The following NCOR1 variants were observed in gnomAD, a reference collection of about 807,000 sequenced individuals.
NCOR1 encodes protein phosphatase 1, regulatory subunit 109.
Under a neutral mutation model 288.1 loss-of-function variants are expected in NCOR1, and 63 were observed. The ratio of observed to expected loss-of-function variants is 0.22; its 90% confidence interval spans 0.18 to 0.27. NCOR1 has a LOEUF of 0.27. NCOR1 is among the 10% of genes least tolerant of loss of function. The pLI, the probability that NCOR1 is intolerant of heterozygous loss-of-function variation, is 1.00. For synonymous variants in NCOR1, 1,007 were observed against 1,065.9 expected (o/e 0.94, Z 1.08); for missense variants, 2,397 against 3,019.2 (o/e 0.79, Z 4.83).
At chr17:16,079,529 C>T (rs565969859) in intron 26 of NCOR1, among the ~76,000 whole-genome samples, 5 of 152,238 alleles carry the variant, frequency 3.3e-5, no homozygotes, top group Admixed American at 2.6e-4. Flanking sequence ...TTGTTAATAC[C>T]ATCCACATTT....
At chr17:16,207,021 T>C (rs1318771081) in intron 1 of NCOR1, among the ~76,000 whole-genome samples, 2 of 151,892 alleles carry the variant, frequency 1.3e-5, no homozygotes, top group African/African-American at 4.8e-5. Flanking sequence ...AACTTCTTCC[T>C]CCCCCCCAAC....
intron 9 of NCOR1, among the ~76,000 whole-genome samples, chr17:16,148,906 A>G (rs2078440856): frequency 6.6e-6 from 1 of 152,096 alleles, no homozygotes; most frequent in African/African-American, 2.4e-5. Flanking sequence ...GTGTATCTGT[A>G]AAATTAGTAT....
chr17:16,195,914 A>G (rs570221977), intron 1 of NCOR1, among the ~76,000 whole-genome samples: 16 of 152,184 alleles, frequency 1.1e-4, no homozygotes, highest in African/African-American at 3.4e-4. Flanking sequence ...TATTTTACAT[A>G]CATATGATAG....
At chr17:16,094,978 G>A (rs557601335) in intron 21 of NCOR1, among the ~76,000 whole-genome samples, 1,585 of 152,152 alleles carry the variant, frequency 0.01, 31 homozygotes, top group African/African-American at 0.036. Context: ...GCCTCTGCCC[G>A]GCCGCCACCC....
At chr17:16,109,252 A>G (rs1219261029) in intron 18 of NCOR1, among the ~76,000 whole-genome samples, 2 of 152,004 alleles carry the variant, frequency 1.3e-5, no homozygotes, top group East Asian at 1.9e-4. Flanking sequence ...CAATATATAT[A>G]TATTTTTTCT....
chr17:16,151,210 T>TTA (rs533340666), intron 8 of NCOR1, among the ~76,000 whole-genome samples: 5 of 150,554 alleles, frequency 3.3e-5, no homozygotes, highest in African/African-American at 1.2e-4. Flanking sequence ...ATTTTTTTTT[T>TTA]AAAAAAAAGA....
chr17:16,043,724 G>T (rs2058148842), intron 42 of NCOR1, among the ~76,000 whole-genome samples: 1 of 152,206 alleles, frequency 6.6e-6, no homozygotes, highest in African/African-American at 2.4e-5. Flanking sequence ...GCTGCTCTGA[G>T]ATCTCTAGCT....
intron 22 of NCOR1, among the ~76,000 whole-genome samples, chr17:16,091,279 A>G (rs1304056141): frequency 3.9e-5 from 6 of 152,268 alleles, no homozygotes; most frequent in Admixed American, 3.9e-4. Context: ...CACCTGTTAT[A>G]TAACAATACC....
intron 26 of NCOR1, among the ~76,000 whole-genome samples, chr17:16,079,650 T>C (rs1035846979): frequency 3.6e-4 from 55 of 152,212 alleles, no homozygotes; most frequent in African/African-American, 1.3e-3. Flanking sequence ...TCTTCTCAAT[T>C]TCTATTTAGG....
intron 14 of NCOR1, among the ~76,000 whole-genome samples, chr17:16,136,154 T>C (rs1288562609): frequency 6.6e-6 from 1 of 152,230 alleles, no homozygotes; most frequent in Non-Finnish European, 1.5e-5. Flanking sequence ...TTTTCAGTTT[T>C]ATACTTCTGG....
chr17:16,073,454 C>G lies in NCOR1; in HGVS notation c.3786G>C (p.Glu1262Asp), dbSNP rs1170671167. The stretch of plus-strand genomic sequence containing the variant: ...CCTCTAACGGTGCTGATACAGGAGA[C>G]TCCCTCATTGACATCCCTTGCTTTA... ...GNIKQGMSMR[E>D]SPVSAPLEGL... The change falls in exon 28 of 46, where the codon GAG becomes GAC. Residue 1262 changes from glutamate to aspartate, a missense_variant. Transcript: ENST00000268712. The G allele has an allele frequency of 6.2e-7, 1 of 1,608,174 alleles. No homozygotes were observed. The highest frequency in any genetic ancestry group is 8.5e-7 in the Non-Finnish European group (1 of 1,177,418).
intron 8 of NCOR1, 69 bp from the exon 9 acceptor site, chr17:16,149,586 TC>T: frequency 1.5e-6 from 1 of 647,950 alleles, no homozygotes; most frequent in Non-Finnish European, 2.6e-6. Flanking sequence ...TCACTTTTTT[TC>T]CAGAGACACT....
rs777234680 is a variant in NCOR1 at position 16,058,025 on chromosome 17, T to C, written c.6050A>G (p.Tyr2017Cys). 5 of 1,614,018 alleles carry C rather than the reference T, an allele frequency of 3.1e-6. No homozygotes were observed. Among genetic ancestry groups the C allele is most frequent in the Admixed American group, 1.7e-5 (1 of 60,000 alleles). ...AGATGGTGATTCCTGCTGTGGTCGA[T>C]AGTGATGTAATGGTCCTTCATATTG... ...TRQYEGPLHH[Y>C]RPQQESPSPQ... The change falls in exon 39 of 46, where the codon TAT becomes TGT. Residue 2017 changes from tyrosine (Y) to cysteine (C), a missense_variant. By Grantham distance (194) the Tyr-to-Cys change is radical. Transcript: ENST00000268712.
intron 38 of NCOR1, 106 bp from the exon 39 acceptor site, chr17:16,058,170 T>C (rs1414140847): frequency 2.3e-6 from 3 of 1,277,290 alleles, no homozygotes; most frequent in African/African-American, 3.0e-5. Context: ...ATGTGGTACA[T>C]AGCTCCAAAC....
rs146980123 is a variant in NCOR1, at chr17:16,201,456, G to A, written c.-70-6817C>T. Among the ~76,000 whole-genome samples the A allele has an allele frequency of 5.7e-3, 860 of 152,034 alleles. 9 individuals carry two copies. Among genetic ancestry groups the A allele is most frequent in the African/African-American group, 0.02 (810 of 41,450 alleles). On this transcript the variant is annotated intron_variant, in intron 1 of 45. Transcript: ENST00000268712. ...TACACTAAAAATACAAAAACTAACC[G>A]GGCATGGTGACACATGTCTGTAATC...
chr17:16,134,272 T>C (rs928682528), intron 14 of NCOR1, among the ~76,000 whole-genome samples: 3 of 152,154 alleles, frequency 2.0e-5, no homozygotes, highest in African/African-American at 7.2e-5. Context: ...CATGAGATGA[T>C]GGTCTAAATT....
At chr17:16,096,086 G>A (rs959257734) in intron 21 of NCOR1, among the ~76,000 whole-genome samples, 3 of 152,078 alleles carry the variant, frequency 2.0e-5, no homozygotes, top group Non-Finnish European at 2.9e-5. Context: ...ATGGATTAAG[G>A]GTGGTGCAAG....
chr17:16,186,261 G>C lies in NCOR1; in HGVS notation c.242+293C>G, dbSNP rs79439781. Among the ~76,000 whole-genome samples the C allele has an allele frequency of 2.4e-4, 37 of 152,236 alleles. No homozygotes were observed. The East Asian group carries it at 7.0e-3, about 29-fold the overall frequency. On this transcript the variant is annotated intron_variant, in intron 3 of 45. Transcript: ENST00000268712. ...TTTAAGTGTTTTGTGATGAGGCTTGGGCATCCCAAGGGGTTCTAATGTGCA... is the reference window on the plus strand; with the variant it reads ...TTTAAGTGTTTTGTGATGAGGCTTGCGCATCCCAAGGGGTTCTAATGTGCA...
intron 1 of NCOR1, among the ~76,000 whole-genome samples, chr17:16,213,726 C>T (rs1000255418): frequency 2.6e-5 from 4 of 152,056 alleles, no homozygotes; most frequent in Non-Finnish European, 5.9e-5. Flanking sequence ...ACAGCCAACC[C>T]TAGGAGAGTA....
Sources: gnomAD v4.1 joint callset for allele counts (sites outside exome capture counted in the v4.1 genomes callset) on GRCh38, gnomAD v4.1.1 for gene constraint, MANE v1.5 for transcripts, NCBI Gene and HGNC (gene_info 2026-07-23, HGNC 2026-07-21) for gene names.